The following KIF21A variants were observed in gnomAD, a reference collection of about 807,000 sequenced individuals.
KIF21A encodes the protein kinesin family member 21A, also known as kinesin-like protein KIF21A.
Under a neutral mutation model 202.9 loss-of-function variants are expected in KIF21A, and 114 were observed. That is an observed-to-expected ratio of 0.56 (90% CI 0.48 to 0.66). KIF21A has a LOEUF of 0.66. Ranked by LOEUF, KIF21A falls within the 30% of genes least tolerant of loss-of-function variation. The probability of loss-of-function intolerance (pLI) is 0.00; values close to 1 mark genes in which losing one functional copy is unlikely to be tolerated. For synonymous variants in KIF21A, 667 were observed against 670.8 expected, an observed-to-expected ratio of 0.99 and a Z score of 0.09; for missense variants, 1,677 against 1,994.9, an observed-to-expected ratio of 0.84 and a Z score of 3.04.
At chr12:39,440,025 C>T (rs975806397) in intron 1 of KIF21A, among the ~76,000 whole-genome samples, 4 of 152,068 alleles carry the variant, frequency 2.6e-5, no homozygotes, top group East Asian at 1.9e-4. Context: ...TATAGACACA[C>T]GATTTTGTAT....
Position 39,341,902 on chromosome 12 carries a change from T to G in KIF21A, c.1803+132A>C. 8.2e-6 allele frequency: 6 copies of G among 733,494 alleles called. No homozygotes were observed. In the South Asian group the frequency reaches 9.4e-5, roughly 11 times the overall value. The allele number at this position is 733,494 out of a possible 1,614,324, so 45.4% of individuals were successfully genotyped here. ...TAGCTTGTATCTCTGAAGAAACATC[T>G]TCAAAGAAATAGATTAAACAGAATG... On this transcript the variant is annotated intron_variant, in intron 13 of 37. Transcript: ENST00000361418.
At chr12:39,318,290 A>G (rs537552315) in intron 28 of KIF21A, 89 bp from the exon 29 acceptor site, 1 of 1,295,172 alleles carries the variant, frequency 7.7e-7, no homozygotes, top group South Asian at 1.2e-5. Flanking sequence ...TTTAAAAAAA[A>G]GCTTTTTATT....
chr12:39,312,160 A>G (rs1944092775), intron 31 of KIF21A: 1 of 153,280 alleles, frequency 6.5e-6, no homozygotes, highest in Non-Finnish European at 1.5e-5. Context: ...AAGAAAATGT[A>G]CATACACACA....
chr12:39,322,810 T>C lies in KIF21A; in HGVS notation c.3529A>G (p.Thr1177Ala), dbSNP rs762173645. ...DSSELASDTS[T>A]GDASLPGPLT... ...GGGCCAGGCAAGGAGGCATCTCCTG[T>C]ACTAGTGTCTGAAGCTAGTTCACTG... is the stretch of plus-strand genomic sequence containing the variant. Residue 1177 changes from threonine to alanine, a missense_variant, in exon 27 of 38, where the codon ACA becomes GCA. Transcript: ENST00000361418. 1 of 1,614,096 alleles carries C rather than the reference T, an allele frequency of 6.2e-7. No homozygotes were observed. The highest frequency in any genetic ancestry group is 1.7e-4 in the Middle Eastern group (1 of 6,060).
Position 39,358,277 on chromosome 12 carries a change from C to A in KIF21A, c.1116G>T (p.Lys372Asn). 6.2e-7 allele frequency: 1 copy of A among 1,614,088 alleles called. No individual in the cohort carries two copies. The highest frequency in any genetic ancestry group is 1.1e-5 in the South Asian group (1 of 91,070). The change falls in exon 8 of 38, where the codon AAG (lysine) becomes AAT (asparagine). Residue 372 changes from lysine (K) to asparagine (N), a missense_variant. Lys to Asn is a moderately conservative substitution (Grantham distance 94, BLOSUM62 0). Coordinates refer to ENST00000361418, the MANE Select transcript of KIF21A (RefSeq NM_001173464.2). Reference protein sequence around the residue: ...LKYANRARNIKNKVMVNQDRA... With the variant: ...LKYANRARNINNKVMVNQDRA... Reference sequence around the variant, plus strand: ...TGTCCTGATTGACCATCACCTTATTCTTGATATTTCTAGCTCGATTGGCGT... The same window carrying A: ...TGTCCTGATTGACCATCACCTTATTATTGATATTTCTAGCTCGATTGGCGT...
At position 39,369,722 on chromosome 12, in the gene KIF21A, T is replaced by G. The variant is rs1013168097; in HGVS notation, c.450+7A>C. On this transcript the variant is annotated splice_region_variant and intron_variant, in intron 3 of 37. Transcript: ENST00000361418. ...AAAAGAAATTAATGCCAAAATTGGA[T>G]TATTACCTCTAAGAATTGGGCATTC... The G allele has an allele frequency of 2.5e-6, 4 of 1,607,580 alleles. No homozygotes were observed. The highest frequency in any genetic ancestry group is 2.6e-6 in the Non-Finnish European group (3 of 1,176,102).
intron 17 of KIF21A, among the ~76,000 whole-genome samples, chr12:39,334,259 G>T (rs1033415156): frequency 1.2e-4 from 18 of 144,934 alleles, no homozygotes; most frequent in African/African-American, 4.5e-4. Context: ...AAAAAAGAAA[G>T]AACTTAGGTC....
intron 1 of KIF21A, 83 bp from the exon 2 acceptor site, chr12:39,370,344 G>T: frequency 9.9e-7 from 1 of 1,010,260 alleles, no homozygotes; most frequent in Non-Finnish European, 1.5e-6. Flanking sequence ...AAAACTCTTG[G>T]CCAAATCTTT....
rs1196834481 is a variant in KIF21A at position 39,319,935 on chromosome 12, T to C, written c.3750A>G (p.Ala1250=). 6.2e-6 allele frequency: 10 copies of C among 1,607,284 alleles called. 1 individual carries two copies. The South Asian group carries it at 1.0e-4, about 16-fold the overall frequency. Residue 1250 remains alanine (A), a synonymous_variant, in exon 28 of 38, where the codon GCA becomes GCG. Coordinates refer to ENST00000361418, the MANE Select transcript of KIF21A (RefSeq NM_001173464.2). ...TTTGTTCCTTGGCCTTTGATTTTTCTGCTTTCTCATATGCCTTTCTCCTTG... is the reference window on the plus strand; with the variant it reads ...TTTGTTCCTTGGCCTTTGATTTTTCCGCTTTCTCATATGCCTTTCTCCTTG... ...PVTRRKAYEK[A]EKSKAKEQKH... is the part of the protein sequence containing the mutation.
intron 1 of KIF21A, among the ~76,000 whole-genome samples, chr12:39,370,730 T>C (rs1566015777): frequency 6.6e-6 from 1 of 152,142 alleles, no homozygotes; most frequent in East Asian, 1.9e-4. Context: ...TGCTAACTCT[T>C]CACCAGTGGT....
At chr12:39,305,002 C>T (rs1943313332) in intron 34 of KIF21A, 64 bp from the exon 35 acceptor site, 1 of 777,480 alleles carries the variant, frequency 1.3e-6, no homozygotes. Context: ...GACTAAGCCT[C>T]AACATAAACG....
At chr12:39,372,760 T>C (rs1220300525) in intron 1 of KIF21A, among the ~76,000 whole-genome samples, 1 of 152,150 alleles carries the variant, frequency 6.6e-6, no homozygotes, top group Non-Finnish European at 1.5e-5. Flanking sequence ...AAATTAATAA[T>C]TTTTTGTTTC....
intron 24 of KIF21A, chr12:39,330,030 T>C (rs1386911020): frequency 2.1e-6 from 1 of 477,900 alleles, no homozygotes; most frequent in Non-Finnish European, 3.8e-6. Flanking sequence ...AACAAAAGCA[T>C]ACTTCTTTAA....
chr12:39,346,398 A>G (rs1947893576), intron 12 of KIF21A, 68 bp downstream of exon 12: 1 of 1,191,096 alleles, frequency 8.4e-7, no homozygotes, highest in Non-Finnish European at 1.1e-6. Flanking sequence ...ACTATAACAC[A>G]TTTCCTTGTG....
intron 7 of KIF21A, among the ~76,000 whole-genome samples, chr12:39,361,464 A>G (rs919449915): frequency 1.3e-5 from 2 of 152,118 alleles, no homozygotes; most frequent in Non-Finnish European, 2.9e-5. Flanking sequence ...CTAATAGTAC[A>G]TAAAAGGAAG....
intron 7 of KIF21A, among the ~76,000 whole-genome samples, chr12:39,359,455 T>G (rs1949034541): frequency 6.6e-6 from 1 of 152,208 alleles, no homozygotes. Flanking sequence ...TTATCAACTT[T>G]TATTTATCAG....
At chr12:39,414,742 A>C (rs748141446) in intron 1 of KIF21A, among the ~76,000 whole-genome samples, 89 of 152,170 alleles carry the variant, frequency 5.8e-4, no homozygotes, top group South Asian at 1.7e-3. Flanking sequence ...ACCCAATCAC[A>C]AAGATTTACT....
rs376349907 is a variant in KIF21A at position 39,430,526 on chromosome 12, A to G, written c.44+12401T>C. Among the ~76,000 whole-genome samples, 122 of 151,760 alleles carry G rather than the reference A, an allele frequency of 8.0e-4. No homozygotes were observed. The South Asian group carries it at 0.02, about 25-fold the overall frequency. On this transcript the variant is annotated intron_variant, in intron 1 of 37. Coordinates refer to ENST00000361418, the MANE Select transcript of KIF21A (RefSeq NM_001173464.2). ...GGTTGCAGTGAGCCAAGATGGCGCC[A>G]TTGCACTCCAGCCTGGGGGACAAGA...
chr12:39,300,081 C>T (rs1256004991), intron 37 of KIF21A, among the ~76,000 whole-genome samples: 1 of 151,992 alleles, frequency 6.6e-6, no homozygotes, highest in Non-Finnish European at 1.5e-5. Flanking sequence ...AAAAAACCAG[C>T]ACATGTACCC....
Sources: gnomAD v4.1 joint callset for allele counts (sites outside exome capture counted in the v4.1 genomes callset) on GRCh38, gnomAD v4.1.1 for gene constraint, MANE v1.5 for transcripts, NCBI Gene and HGNC (gene_info 2026-07-23, HGNC 2026-07-21) for gene names.